IKBIP: variants seen among roughly 807,000 people sequenced by gnomAD.
IKBIP encodes inhibitor of nuclear factor kappa-B kinase-interacting protein.
IKBIP carries 28 observed loss-of-function variants against 31.0 expected under a neutral mutation model. The ratio of observed to expected loss-of-function variants is 0.90; its 90% CI spans 0.67 to 1.24. IKBIP has a LOEUF of 1.24. Ranked by LOEUF, IKBIP falls within the 50% of genes most tolerant of loss-of-function variation. The probability of loss-of-function intolerance (pLI) is 0.00; values close to 1 mark genes in which losing one functional copy is unlikely to be tolerated. For synonymous variants in IKBIP, 164 were observed against 160.3 expected, an observed-to-expected ratio of 1.02 and a Z score of -0.17; for missense variants, 453 against 441.9, an observed-to-expected ratio of 1.03 and a Z score of -0.23.
At chr12:98,616,339 G>GT (rs141862272) in intron 2 of IKBIP, among the ~76,000 whole-genome samples, 111 of 150,270 alleles carry the variant, frequency 7.4e-4, no homozygotes, top group Admixed American at 2.4e-3. Context: ...GTTTAATTGG[G>GT]TTTTTTTTTG....
downstream of IKBIP, among the ~76,000 whole-genome samples, chr12:98,619,408 C>A (rs780792552): frequency 1.6e-4 from 24 of 152,312 alleles, no homozygotes; most frequent in Middle Eastern, 3.4e-3. Flanking sequence ...TAGGAAGAAG[C>A]TGTTAGTAAA....
intron 2 of IKBIP, among the ~76,000 whole-genome samples, chr12:98,627,271 C>A (rs2097615404): frequency 7.3e-6 from 1 of 136,870 alleles, no homozygotes. Context: ...GCCTGGCCAG[C>A]ACTATGTTAA....
downstream of IKBIP, among the ~76,000 whole-genome samples, chr12:98,621,043 T>A (rs974404306): frequency 2.0e-5 from 3 of 151,494 alleles, no homozygotes; most frequent in Admixed American, 2.0e-4. Context: ...AGGTCAGGAG[T>A]TCGAGACCAG....
Position 98,630,545 on chromosome 12 carries a change from CGTT to C in IKBIP, c.297+3748_297+3750del, listed in dbSNP as rs574352145. Among the ~76,000 whole-genome samples, 25 of 152,190 alleles carry C rather than the reference CGTT, an allele frequency of 1.6e-4. No homozygotes were observed. In the East Asian group the frequency reaches 4.8e-3, roughly 29 times the overall value. On this transcript the variant is annotated intron_variant, in intron 2 of 2. Coordinates refer to ENST00000299157, the MANE Select transcript of IKBIP (RefSeq NM_153687.4). ...CTATTCAGAGCAGCTCCTCCAACAA[CGTT>C]GTTTCGATGTCCTTTCATTACAACG...
chr12:98,622,608 G>T (rs946248072), downstream of IKBIP, among the ~76,000 whole-genome samples: 3 of 151,652 alleles, frequency 2.0e-5, no homozygotes, highest in Admixed American at 2.0e-4. Flanking sequence ...TATGGGGTAA[G>T]TCTACAAAGG....
exon 3 of IKBIP, chr12:98,613,537 G>C (rs774585910): frequency 1.1e-6 from 1 of 895,820 alleles, no homozygotes; most frequent in Non-Finnish European, 1.7e-6. Context: ...CTTCTCATGA[G>C]AGGTCCCATT....
chr12:98,614,497 T>A (rs1277859911), intron 2 of IKBIP, among the ~76,000 whole-genome samples: 1 of 152,176 alleles, frequency 6.6e-6, no homozygotes, highest in Non-Finnish European at 1.5e-5. Flanking sequence ...CGATCTTGGC[T>A]CACTGAAACC....
exon 3 of IKBIP, chr12:98,613,897 G>A (rs368570464): frequency 1.2e-5 from 19 of 1,613,390 alleles, no homozygotes; most frequent in South Asian, 8.8e-5. Context: ...TCTTTAGTTC[G>A]GTTAGCGTCT....
Position 98,644,541 on chromosome 12 carries a change from G to T in IKBIP, c.161C>A (p.Thr54Lys), listed in dbSNP as rs1157848325. 1.2e-6 allele frequency: 2 copies of T among 1,604,052 alleles called. No homozygotes were observed. Among genetic ancestry groups the T allele is most frequent in the Admixed American group, 1.7e-5 (1 of 58,926 alleles). Residue 54 changes from threonine to lysine, a missense_variant, in exon 1 of 3, where the codon ACG becomes AAG. Physicochemically the swap from Thr to Lys is moderately conservative, Grantham distance 78. Coordinates refer to ENST00000299157, the MANE Select transcript of IKBIP (RefSeq NM_153687.4). The stretch of plus-strand genomic sequence containing the variant: ...CACTTACCAGGCCAGGCCCAGGCAC[G>T]TCCCCAGCGACAGCAGGCTCAGGCA... ...RTCLSLLSLG[T>K]CLGLAWFVFQ...
chr12:98,637,528 C>CCTCCCGAGTAGCTGGGACTA (rs1172811008), intron 1 of IKBIP, among the ~76,000 whole-genome samples: 2 of 151,906 alleles, frequency 1.3e-5, no homozygotes, highest in Non-Finnish European at 2.9e-5. Flanking sequence ...CTTGCCTCAG[C>CCTCCCGAGTAGCTGGGACTA]CTCCCGAGTA....
In IKBIP at chr12:98,634,288, A is replaced by T; in HGVS notation, c.297+8T>A. The stretch of plus-strand genomic sequence containing the variant: ...AAAACCGTCCCAGATAAGCCAATTA[A>T]TGATTACCTTTTCTGAAATTAAACT... On this transcript the variant is annotated splice_region_variant and intron_variant, in intron 2 of 2. Transcript: ENST00000299157. 7.5e-7 allele frequency: 1 copy of T among 1,341,762 alleles called. No homozygotes were observed. Among genetic ancestry groups the T allele is most frequent in the Non-Finnish European group, 1.1e-6 (1 of 934,658 alleles). The allele number at this position is 1,341,762 out of a possible 1,614,324, so 83.1% of individuals were successfully genotyped here. A position where few individuals can be genotyped will look rare whatever the true frequency, so the allele number is the denominator to read the frequency against.
At chr12:98,617,866 T>G (rs1481204515) in intron 2 of IKBIP, among the ~76,000 whole-genome samples, 1 of 152,258 alleles carries the variant, frequency 6.6e-6, no homozygotes, top group Non-Finnish European at 1.5e-5. Context: ...TATTTAACTT[T>G]CAGCTTGTTT....
chr12:98,641,962 T>C (rs1276147109), intron 1 of IKBIP, among the ~76,000 whole-genome samples: 1 of 152,156 alleles, frequency 6.6e-6, no homozygotes, highest in Non-Finnish European at 1.5e-5. Context: ...GCCCCCAAAA[T>C]TATTTTTGAT....
At chr12:98,623,974 T>C (rs1326979777), downstream of IKBIP, among the ~76,000 whole-genome samples, 1 of 151,182 alleles carries the variant, frequency 6.6e-6, no homozygotes, top group Non-Finnish European at 1.5e-5. Flanking sequence ...TAGATATCTA[T>C]ACATACATAC....
intron 2 of IKBIP, 68 bp from the exon 3 acceptor site, chr12:98,626,834 A>G: frequency 9.4e-6 from 12 of 1,271,988 alleles, no homozygotes; most frequent in Non-Finnish European, 1.3e-5. Context: ...AACACACTTT[A>G]ACAATCAGGA....
chr12:98,618,699 T>A (rs1592988097), intron 2 of IKBIP, among the ~76,000 whole-genome samples: 2 of 151,862 alleles, frequency 1.3e-5, no homozygotes, highest in Admixed American at 6.6e-5. Context: ...CTGGCTCAAG[T>A]GATCCTCCCA....
chr12:98,620,521 C>T (rs2097609273), downstream of IKBIP, among the ~76,000 whole-genome samples: 1 of 151,984 alleles, frequency 6.6e-6, no homozygotes, highest in African/African-American at 2.4e-5. Context: ...CGCTCACCAC[C>T]ACGCTCACCT....
At position 98,624,392 on chromosome 12, in the gene IKBIP, A is replaced by G; in HGVS notation, c.*1538T>C. On this transcript the variant is annotated 3_prime_UTR_variant, in exon 3 of 3. Transcript: ENST00000299157. The stretch of plus-strand genomic sequence containing the variant: ...TAATGCTATGCCCCTTAATAACAGA[A>G]CTCTCCAGGCTTATTTTCATGATTC... 1.0e-6 allele frequency: 1 copy of G among 985,208 alleles called. No homozygotes were observed. 61.0% of individuals were successfully genotyped at this position (985,208 alleles called of 1,614,324 possible).
chr12:98,632,996 C>T (rs1169138337), intron 2 of IKBIP, among the ~76,000 whole-genome samples: 1 of 152,102 alleles, frequency 6.6e-6, no homozygotes, highest in South Asian at 2.1e-4. Flanking sequence ...ATCCCTTACA[C>T]TCACCATCCA....
Sources: allele counts gnomAD v4.1 joint callset (sites outside exome capture counted in the v4.1 genomes callset), GRCh38; gene constraint gnomAD v4.1.1; transcripts MANE v1.5; gene names NCBI Gene and HGNC (gene_info 2026-07-23, HGNC 2026-07-21).